Variants in FMN2 observed in about 807,000 individuals in gnomAD.
FMN2 encodes the protein formin 2.
In FMN2, 51 loss-of-function variants were observed where a neutral mutation model predicts 142.3. The ratio of observed to expected loss-of-function variants is 0.36; its 90% CI spans 0.29 to 0.45. The LOEUF (loss-of-function observed/expected upper bound fraction) is 0.45. FMN2 is among the 20% of genes least tolerant of loss of function. FMN2 has a pLI of 1.00. For synonymous variants in FMN2, 882 were observed against 869.8 expected (o/e 1.01, Z -0.25); for missense variants, 1,936 against 2,122.8 (o/e 0.91, Z 1.73).
In FMN2 at chr1:240,125,077, T is replaced by A. The variant is rs1662445061; in HGVS notation, c.1782+1732T>A. ...AAATAATGATGAGCTTTAAAGACAATGACAAAGCCCCAGCTGAGGTCAAGA... is the reference window on the plus strand; with the variant it reads ...AAATAATGATGAGCTTTAAAGACAAAGACAAAGCCCCAGCTGAGGTCAAGA... On this transcript the variant is annotated intron_variant, in intron 2 of 17. Coordinates refer to ENST00000319653, the MANE Select transcript of FMN2 (RefSeq NM_020066.5). 2.0e-5 allele frequency among the ~76,000 whole-genome samples: 3 copies of A among 152,222 alleles called. No homozygotes were observed. In the South Asian group the frequency reaches 6.2e-4, roughly 32 times the overall value.
At chr1:240,295,212 AC>A (rs370108439) in intron 8 of FMN2, among the ~76,000 whole-genome samples, 5,257 of 151,540 alleles carry the variant, frequency 0.035, 146 homozygotes, top group Non-Finnish European at 0.05. Context: ...ACACACACAC[AC>A]ACACACACAC....
chr1:240,367,271 G>T (rs1285833395), intron 14 of FMN2, among the ~76,000 whole-genome samples: 8 of 151,888 alleles, frequency 5.3e-5, no homozygotes. Context: ...TTAATGACTT[G>T]TCTTTTACTT....
intron 1 of FMN2, among the ~76,000 whole-genome samples, chr1:240,107,354 C>T (rs889717011): frequency 5.9e-5 from 9 of 152,128 alleles, no homozygotes; most frequent in African/African-American, 1.7e-4. Context: ...AGAGCAGCAG[C>T]TGTGGTCTGT....
intron 6 of FMN2, among the ~76,000 whole-genome samples, chr1:240,215,616 G>C (rs1186843836): frequency 6.6e-6 from 1 of 152,106 alleles, no homozygotes; most frequent in Non-Finnish European, 1.5e-5. Flanking sequence ...ATGTGTATTG[G>C]TTTTTCATAT....
At chr1:240,376,548 T>C (rs1249258525) in intron 14 of FMN2, among the ~76,000 whole-genome samples, 1 of 152,134 alleles carries the variant, frequency 6.6e-6, no homozygotes, top group African/African-American at 2.4e-5. Flanking sequence ...AGAATGTGTA[T>C]AGACTTATTT....
At chr1:240,130,974 C>G (rs919444379) in intron 2 of FMN2, among the ~76,000 whole-genome samples, 7 of 152,096 alleles carry the variant, frequency 4.6e-5, no homozygotes, top group Non-Finnish European at 8.8e-5. Context: ...AAGAAAGGTT[C>G]TATCCTGAAC....
intron 6 of FMN2, among the ~76,000 whole-genome samples, chr1:240,226,288 G>A (rs987296580): frequency 3.3e-5 from 5 of 152,204 alleles, no homozygotes; most frequent in Non-Finnish European, 5.9e-5. Context: ...TATGAATGCA[G>A]TGAAAGAAAA....
At chr1:240,119,294 A>G (rs1571945767) in intron 1 of FMN2, among the ~76,000 whole-genome samples, 1 of 144,216 alleles carries the variant, frequency 6.9e-6, no homozygotes, top group South Asian at 2.2e-4. Context: ...ATGCCATTGC[A>G]CTCCAGCCTA....
intron 8 of FMN2, among the ~76,000 whole-genome samples, chr1:240,322,562 C>A (rs551077122): frequency 6.6e-6 from 1 of 152,154 alleles, no homozygotes; most frequent in South Asian, 2.1e-4. Flanking sequence ...AAGATATAAA[C>A]CCAAAATTCA....
intron 14 of FMN2, among the ~76,000 whole-genome samples, chr1:240,385,544 G>T (rs1249679941): frequency 6.6e-6 from 1 of 152,158 alleles, no homozygotes; most frequent in Non-Finnish European, 1.5e-5. Context: ...AATTTAGTTT[G>T]AGTTAGCAAT....
chr1:240,446,752 C>G (rs1675829524), intron 16 of FMN2, among the ~76,000 whole-genome samples: 1 of 152,120 alleles, frequency 6.6e-6, no homozygotes, highest in Admixed American at 6.5e-5. Context: ...TCTGCTAGAG[C>G]CTGGATTTTT....
At chr1:240,270,407 A>T (rs938567657) in intron 7 of FMN2, among the ~76,000 whole-genome samples, 1 of 152,132 alleles carries the variant, frequency 6.6e-6, no homozygotes, top group Admixed American at 6.6e-5. Flanking sequence ...AAAGGGAATG[A>T]CTTCAGTATG....
In FMN2 at chr1:240,092,934, G is replaced by A. The variant is rs1351393920; in HGVS notation, c.825G>A (p.Ala275=). 7.5e-6 allele frequency: 11 copies of A among 1,464,646 alleles called. No homozygotes were observed. The highest frequency in any genetic ancestry group is 9.9e-6 in the Non-Finnish European group (11 of 1,116,306). 90.7% of individuals were successfully genotyped at this position (1,464,646 alleles called of 1,614,324 possible). The change falls in exon 1 of 18, where the codon GCG becomes GCA. Residue 275 remains alanine, a synonymous_variant. Coordinates refer to ENST00000319653, the MANE Select transcript of FMN2 (RefSeq NM_020066.5). Reference sequence around the variant, plus strand: ...CGGACACCGAGCAGGCGCTGTCCGCGCTCTCCGACCTGCCCGAGAGCCTGG... The same window carrying A: ...CGGACACCGAGCAGGCGCTGTCCGCACTCTCCGACCTGCCCGAGAGCCTGG... The part of the protein sequence containing the change: ...GSPDTEQALS[A]LSDLPESLAA...
At chr1:240,310,459 C>G (rs1274834443) in intron 8 of FMN2, among the ~76,000 whole-genome samples, 1 of 152,124 alleles carries the variant, frequency 6.6e-6, no homozygotes, top group East Asian at 1.9e-4. Flanking sequence ...GCCTCCAAAT[C>G]TAAACACACC....
intron 13 of FMN2, among the ~76,000 whole-genome samples, chr1:240,345,872 G>A (rs1000640592): frequency 3.9e-5 from 6 of 152,102 alleles, no homozygotes; most frequent in Admixed American, 2.6e-4. Flanking sequence ...GTGACCAGGT[G>A]AAATAAAAAT....
intron 2 of FMN2, among the ~76,000 whole-genome samples, chr1:240,137,497 C>A (rs568785442): frequency 5.3e-5 from 8 of 152,290 alleles, no homozygotes; most frequent in Non-Finnish European, 1.0e-4. Flanking sequence ...TTGGCTAGCC[C>A]CTGCTCTATA....
intron 3 of FMN2, among the ~76,000 whole-genome samples, chr1:240,184,282 G>T (rs1186444956): frequency 3.0e-5 from 4 of 132,210 alleles, no homozygotes; most frequent in Non-Finnish European, 6.2e-5. Context: ...TGTCGCCCAG[G>T]CTGGAGTGCA....
chr1:240,348,622 AG>A (rs1449435930), intron 13 of FMN2, among the ~76,000 whole-genome samples: 2 of 151,812 alleles, frequency 1.3e-5, no homozygotes, highest in African/African-American at 4.8e-5. Flanking sequence ...GAGCCCTGTC[AG>A]GTACATTCTG....
chr1:240,430,669 AT>A (rs1675133707), intron 15 of FMN2, among the ~76,000 whole-genome samples: 1 of 146,960 alleles, frequency 6.8e-6, no homozygotes, highest in Admixed American at 6.9e-5. Flanking sequence ...TGGAGTAAGG[AT>A]TTTTTTTCCA....
Sources: gnomAD v4.1 joint callset for allele counts (sites outside exome capture counted in the v4.1 genomes callset) on GRCh38, gnomAD v4.1.1 for gene constraint, MANE v1.5 for transcripts, NCBI Gene and HGNC (gene_info 2026-07-23, HGNC 2026-07-21) for gene names.